Variants in LRBA observed in about 807,000 individuals in gnomAD.
LRBA encodes lipopolysaccharide-responsive and beige-like anchor protein.
Under a neutral mutation model 330.0 loss-of-function variants are expected in LRBA, and 176 were observed. The ratio of observed to expected loss-of-function variants is 0.53; its 90% confidence interval spans 0.47 to 0.60. The LOEUF (loss-of-function observed/expected upper bound fraction) is 0.60, where lower values mean the gene tolerates loss of function less well. LRBA is among the 20% of genes least tolerant of loss of function. LRBA has a pLI of 0.00. For synonymous variants in LRBA, 1,230 were observed against 1,193.0 expected (o/e 1.03, Z -0.64); for missense variants, 3,259 against 3,444.8 (o/e 0.95, Z 1.35).
chr4:150,855,339 A>T (rs1454803697), intron 22 of LRBA, among the ~76,000 whole-genome samples: 1 of 152,210 alleles, frequency 6.6e-6, no homozygotes, highest in Non-Finnish European at 1.5e-5. Context: ...ACAAACAATT[A>T]TCATTGTCAA....
At chr4:150,638,041 C>G (rs1264136040) in intron 37 of LRBA, among the ~76,000 whole-genome samples, 1 of 152,030 alleles carries the variant, frequency 6.6e-6, no homozygotes, top group Non-Finnish European at 1.5e-5. Flanking sequence ...TTGGGGCATA[C>G]TAGCATCCTA....
At chr4:150,725,178 G>A (rs1165556637) in intron 36 of LRBA, among the ~76,000 whole-genome samples, 1 of 151,910 alleles carries the variant, frequency 6.6e-6, no homozygotes, top group Non-Finnish European at 1.5e-5. Flanking sequence ...AAAGAGAGGG[G>A]TAGAAAGTCT....
chr4:150,369,114 A>G (rs140933708), intron 47 of LRBA, among the ~76,000 whole-genome samples: 2 of 152,280 alleles, frequency 1.3e-5, no homozygotes, highest in East Asian at 3.9e-4. Context: ...ATGTTTGAAG[A>G]CTTAGTCAAT....
In LRBA at chr4:150,671,287, GGT is replaced by G. The variant is rs1216181296; in HGVS notation, c.5921+12262_5921+12263del. Among the ~76,000 whole-genome samples the G allele has an allele frequency of 2.6e-5, 4 of 152,034 alleles. No individual in the cohort carries two copies. In the East Asian group the frequency reaches 7.7e-4, roughly 29 times the overall value. ...GCTAACAGTTATTAAGCATTTACAT[GGT>G]ATATGTCAGACACTGTTCTATATGC... is the stretch of plus-strand genomic sequence containing the variant. On this transcript the variant is annotated intron_variant, in intron 37 of 56. Transcript: ENST00000651943.
At chr4:150,911,413 T>C (rs906948928) in intron 9 of LRBA, among the ~76,000 whole-genome samples, 9 of 152,104 alleles carry the variant, frequency 5.9e-5, no homozygotes, top group African/African-American at 1.9e-4. Flanking sequence ...AGAAAGAGTG[T>C]TGAATTTTGT....
rs1400038982 is a variant in LRBA, at chr4:150,897,724, G to A, written c.2004+15C>T. ...CAATACACGGTATGCTATGGAATAA[G>A]CAACGTGAACTCACCTTCATCACTA... On this transcript the variant is annotated intron_variant, in intron 15 of 56. Coordinates refer to ENST00000651943, the MANE Select transcript of LRBA (RefSeq NM_001364905.1). The A allele has an allele frequency of 2.5e-5, 40 of 1,576,322 alleles. No homozygotes were observed. Among genetic ancestry groups the A allele is most frequent in the Non-Finnish European group, 3.3e-5 (38 of 1,146,924 alleles).
At chr4:150,767,960 A>G (rs970142272) in intron 34 of LRBA, among the ~76,000 whole-genome samples, 2 of 146,988 alleles carry the variant, frequency 1.4e-5, no homozygotes, top group Non-Finnish European at 1.5e-5. Context: ...GCTACTCAAG[A>G]GGCTGAGGCA....
chr4:150,979,459 AAAATT>A (rs1392176366), intron 2 of LRBA, among the ~76,000 whole-genome samples: 1 of 152,214 alleles, frequency 6.6e-6, no homozygotes, highest in Non-Finnish European at 1.5e-5. Flanking sequence ...CTGAAAGTAC[AAAATT>A]AATTGGCAAC....
chr4:150,761,705 C>T, intron 35 of LRBA, 78 bp downstream of exon 35: 2 of 841,838 alleles, frequency 2.4e-6, no homozygotes, highest in South Asian at 3.4e-5. Context: ...AATACAGAAC[C>T]CAAAAATATC....
rs10634420 is a variant in LRBA at position 150,379,303 on chromosome 4, CAAAAAAAAAAAA to C, written c.7195-29156_7195-29145del. ...GGGCAACAAGAGGGAAACTCTAGCTCAAAAAAAAAAAAAAAAAAAAAAAGCAGATCAGAATTC... is the reference window on the plus strand; with the variant it reads ...GGGCAACAAGAGGGAAACTCTAGCTCAAAAAAAAAAAGCAGATCAGAATTC... On this transcript the variant is annotated intron_variant, in intron 47 of 56. Coordinates refer to ENST00000651943, the MANE Select transcript of LRBA (RefSeq NM_001364905.1). Among the ~76,000 whole-genome samples, 35 of 59,892 alleles carry C rather than the reference CAAAAAAAAAAAA, an allele frequency of 5.8e-4. 1 individual carries two copies. Among genetic ancestry groups the C allele is most frequent in the Non-Finnish European group, 3.6e-4 (13 of 35,646 alleles). 39.3% of individuals were successfully genotyped at this position (59,892 alleles called of 152,430 possible). A position where few individuals can be genotyped will look rare whatever the true frequency, so the allele number is the denominator to read the frequency against.
chr4:150,965,479 CT>C (rs1738774389), intron 2 of LRBA, among the ~76,000 whole-genome samples: 1 of 152,116 alleles, frequency 6.6e-6, no homozygotes, highest in African/African-American at 2.4e-5. Flanking sequence ...GATACATGAG[CT>C]GCTAATAATA....
intron 37 of LRBA, among the ~76,000 whole-genome samples, chr4:150,664,369 G>C (rs201619848): frequency 1.3e-5 from 2 of 152,236 alleles, no homozygotes; most frequent in South Asian, 2.1e-4. Flanking sequence ...ATTATGGCTT[G>C]ACATATTATC....
At chr4:150,405,874 G>A (rs1011398862) in intron 47 of LRBA, among the ~76,000 whole-genome samples, 19 of 146,022 alleles carry the variant, frequency 1.3e-4, no homozygotes, top group Non-Finnish European at 2.1e-4. Flanking sequence ...GGGCAACATA[G>A]TGAGACCTCA....
At chr4:150,608,067 C>A (rs1044609902) in intron 37 of LRBA, among the ~76,000 whole-genome samples, 5 of 151,792 alleles carry the variant, frequency 3.3e-5, no homozygotes, top group African/African-American at 1.2e-4. Flanking sequence ...AAAAATTAGC[C>A]AGGTGTGGTG....
intron 36 of LRBA, among the ~76,000 whole-genome samples, chr4:150,731,315 G>A (rs1236033047): frequency 2.0e-5 from 3 of 152,106 alleles, no homozygotes; most frequent in Non-Finnish European, 4.4e-5. Flanking sequence ...AAGGAAATCA[G>A]TATATTGAAG....
At position 150,728,050 on chromosome 4, in the gene LRBA, T is replaced by A. The variant is rs1729937219; in HGVS notation, c.5754+7208A>T. On this transcript the variant is annotated intron_variant, in intron 36 of 56. Transcript: ENST00000651943. ...ACATTACAACTGATACGGTAGAAAT[T>A]CAAAGGATCATTAGTGGCTACTATG... 2.6e-5 allele frequency among the ~76,000 whole-genome samples: 4 copies of A among 152,208 alleles called. No individual in the cohort carries two copies. The South Asian group carries it at 8.3e-4, about 32-fold the overall frequency.
chr4:150,593,726 C>A (rs1041026794), intron 38 of LRBA, among the ~76,000 whole-genome samples: 1 of 152,022 alleles, frequency 6.6e-6, no homozygotes, highest in East Asian at 1.9e-4. Context: ...CAACTAAACA[C>A]CCTGCTCATT....
chr4:150,469,911 G>A (rs1330105377), intron 43 of LRBA, among the ~76,000 whole-genome samples: 2 of 152,164 alleles, frequency 1.3e-5, no homozygotes, highest in Non-Finnish European at 2.9e-5. Flanking sequence ...GGCAGGGCGT[G>A]GTGGCTCACG....
rs756843456 is a variant in LRBA at position 150,277,997 on chromosome 4, T to A, written c.8324A>T (p.Gln2775Leu). ...METDDNIRAI[Q>L]LSRDGQYLLT... is the part of the protein sequence containing the mutation. ...CAGGTACTGCCCATCTCGGCTCAGC[T>A]GGATGGCCTGTGAGACACAGCAACA... The change falls in exon 56 of 57, where the codon CAG (glutamine) becomes CTG (leucine). Residue 2775 changes from glutamine to leucine, a missense_variant. Gln to Leu is a moderately radical substitution (Grantham distance 113). Transcript: ENST00000651943. 1.2e-6 allele frequency: 2 copies of A among 1,613,838 alleles called. No homozygotes were observed. The highest frequency in any genetic ancestry group is 1.7e-6 in the Non-Finnish European group (2 of 1,179,900).
Sources: gnomAD v4.1 joint callset for allele counts (sites outside exome capture counted in the v4.1 genomes callset) on GRCh38, gnomAD v4.1.1 for gene constraint, MANE v1.5 for transcripts, NCBI Gene and HGNC (gene_info 2026-07-23, HGNC 2026-07-21) for gene names.